NBDY: variants seen among roughly 807,000 people sequenced by gnomAD.
NBDY encodes P-body dissociating protein.
At chrX:56,808,013 T>A (rs1169020042) in intron 2 of NBDY, among the ~76,000 whole-genome samples, 1 of 112,094 alleles carries the variant, frequency 8.9e-6, no homozygotes, top group Non-Finnish European at 1.9e-5. Flanking sequence ...TTATTGAAAG[T>A]TTTTAGCATG....
intron 2 of NBDY, among the ~76,000 whole-genome samples, chrX:56,744,395 C>T (rs937581166): frequency 9.0e-6 from 1 of 111,398 alleles, no homozygotes. Context: ...ATTTTCTGTT[C>T]GGAAGACCTG....
chrX:56,751,132 CTT>C (rs776255997), intron 2 of NBDY, among the ~76,000 whole-genome samples: 2 of 104,249 alleles, frequency 1.9e-5, no homozygotes, highest in Non-Finnish European at 4.0e-5. Context: ...ACTCACACAA[CTT>C]TTTTTTTTTT....
chrX:56,813,029 G>A (rs913977065), intron 2 of NBDY, among the ~76,000 whole-genome samples: 4 of 110,413 alleles, frequency 3.6e-5, no homozygotes, highest in Admixed American at 9.6e-5. Flanking sequence ...ATCACACACC[G>A]GGGCCTGTCT....
intron 2 of NBDY, among the ~76,000 whole-genome samples, chrX:56,790,358 G>A (rs2069755239): frequency 8.9e-6 from 1 of 112,001 alleles, no homozygotes; most frequent in Non-Finnish European, 1.9e-5. Context: ...CATGGGTATT[G>A]ATTCCCACAC....
chrX:56,743,959 C>A (rs1428858861), intron 2 of NBDY, among the ~76,000 whole-genome samples: 3 of 108,027 alleles, frequency 2.8e-5, no homozygotes, highest in African/African-American at 1.0e-4. Context: ...TAGCTATAAA[C>A]TTCCCTCTTA....
chrX:56,740,614 T>C (rs1329152815), intron 2 of NBDY, among the ~76,000 whole-genome samples: 1 of 111,956 alleles, frequency 8.9e-6, no homozygotes, highest in Non-Finnish European at 1.9e-5. Context: ...TTTGTATACT[T>C]GAGGCATTGT....
intron 2 of NBDY, among the ~76,000 whole-genome samples, chrX:56,739,262 ATGTATGTAT>A: frequency 1.3e-5 from 1 of 76,285 alleles, no homozygotes; most frequent in African/African-American, 5.5e-5. Context: ...ATATATATAT[ATGTATGTAT>A]ATATATATAT....
chrX:56,754,399 T>G (rs1446550472), intron 2 of NBDY, among the ~76,000 whole-genome samples: 2 of 111,743 alleles, frequency 1.8e-5, no homozygotes, highest in Non-Finnish European at 3.8e-5. Context: ...TATAGAACAC[T>G]TCATCTAACA....
At chrX:56,787,207 C>T (rs978158433) in intron 2 of NBDY, among the ~76,000 whole-genome samples, 1 of 110,757 alleles carries the variant, frequency 9.0e-6, no homozygotes, top group Admixed American at 9.7e-5. Flanking sequence ...CACGCACTCA[C>T]AAGGGAACAT....
At chrX:56,761,469 G>A (rs1402499060) in intron 2 of NBDY, among the ~76,000 whole-genome samples, 1 of 113,384 alleles carries the variant, frequency 8.8e-6, no homozygotes, top group Non-Finnish European at 1.9e-5. Flanking sequence ...GGCATAAGGG[G>A]CTGACACTTT....
chrX:56,750,467 T>TA (rs56230643), intron 2 of NBDY, among the ~76,000 whole-genome samples: 57,858 of 108,166 alleles, frequency 0.53, 14,204 homozygotes, highest in Non-Finnish European at 0.74. Flanking sequence ...CTGGGTTAAA[T>TA]AAAAAAAATA....
intron 2 of NBDY, among the ~76,000 whole-genome samples, chrX:56,755,798 C>T (rs1438438968): frequency 5.8e-4 from 63 of 108,523 alleles, no homozygotes; most frequent in African/African-American, 1.9e-3. Context: ...TGGGTATATA[C>T]CCAAAGGACT....
chrX:56,787,185 A>G (rs2069733868), intron 2 of NBDY, among the ~76,000 whole-genome samples: 1 of 111,156 alleles, frequency 9.0e-6, no homozygotes, highest in Admixed American at 9.6e-5. Context: ...GACCACAGAC[A>G]CAGACACAAT....
intron 2 of NBDY, among the ~76,000 whole-genome samples, chrX:56,765,699 CCTT>C (rs762463261): frequency 9.0e-6 from 1 of 110,952 alleles, no homozygotes; most frequent in African/African-American, 3.3e-5. Context: ...TCCTTCTCCT[CCTT>C]CTCCTCTTGC....
At chrX:56,798,485 T>C (rs1263918041) in intron 2 of NBDY, among the ~76,000 whole-genome samples, 5 of 111,752 alleles carry the variant, frequency 4.5e-5, no homozygotes, top group Non-Finnish European at 9.4e-5. Flanking sequence ...CCTCAGGTCC[T>C]GTGGCTCCCT....
intron 2 of NBDY, among the ~76,000 whole-genome samples, chrX:56,800,659 T>C (rs1228262109): frequency 8.9e-6 from 1 of 111,906 alleles, no homozygotes; most frequent in Non-Finnish European, 1.9e-5. Flanking sequence ...TCACCCTGAT[T>C]CTTTGTGTAC....
chrX:56,741,667 T>G (rs1228713599), intron 2 of NBDY, among the ~76,000 whole-genome samples: 1 of 112,088 alleles, frequency 8.9e-6, no homozygotes, highest in Non-Finnish European at 1.9e-5. Context: ...ATTCAAATCT[T>G]TGTCACAATT....
At chrX:56,735,050 A>G (rs1944514710) in intron 2 of NBDY, among the ~76,000 whole-genome samples, 1 of 112,147 alleles carries the variant, frequency 8.9e-6, no homozygotes, top group African/African-American at 3.2e-5. Context: ...TCACTCTACC[A>G]TTCTGTCTAC....
chrX:56,745,339 G>A (rs769636423), intron 2 of NBDY, among the ~76,000 whole-genome samples: 118 of 110,796 alleles, frequency 1.1e-3, no homozygotes, highest in Admixed American at 2.6e-3. Flanking sequence ...CTGTGGATGA[G>A]GGGGGACCAC....
Sources: allele counts gnomAD v4.1 joint callset (sites outside exome capture counted in the v4.1 genomes callset), GRCh38; gene constraint gnomAD v4.1.1; transcripts MANE v1.5; gene names NCBI Gene and HGNC (gene_info 2026-07-23, HGNC 2026-07-21).